The following PRORP variants were observed in gnomAD, a reference collection of about 807,000 sequenced individuals.
The protein encoded by PRORP is protein only RNase P catalytic subunit, also known as mitochondrial ribonuclease P catalytic subunit.
In PRORP, 51 loss-of-function variants were observed where a neutral mutation model predicts 59.4. That is an observed-to-expected ratio of 0.86 (90% confidence interval 0.69 to 1.08). The LOEUF (loss-of-function observed/expected upper bound fraction) is 1.08. Among genes scored for constraint, PRORP ranks in the 50% least tolerant of loss-of-function variants. PRORP has a pLI of 0.00. For synonymous variants in PRORP, 231 were observed against 245.6 expected (o/e 0.94, Z 0.55); for missense variants, 646 against 690.3 (o/e 0.94, Z 0.72).
intron 5 of PRORP, among the ~76,000 whole-genome samples, chr14:35,228,320 T>G (rs2049988499): frequency 6.6e-6 from 1 of 152,234 alleles, no homozygotes; most frequent in Non-Finnish European, 1.5e-5. Context: ...ACTTCTGTTT[T>G]AGATTCTGGG....
chr14:35,176,926 A>T (rs1327854747), intron 4 of PRORP, among the ~76,000 whole-genome samples: 5 of 152,078 alleles, frequency 3.3e-5, no homozygotes, highest in Non-Finnish European at 7.4e-5. Flanking sequence ...ATCAATACCT[A>T]ATTTATTGAG....
intron 4 of PRORP, chr14:35,158,907 T>A: frequency 3.3e-6 from 1 of 302,252 alleles, no homozygotes. Flanking sequence ...TTGTCTTTCC[T>A]GGATTTCCCA....
At chr14:35,177,319 T>C (rs563286533) in intron 4 of PRORP, among the ~76,000 whole-genome samples, 67 of 152,346 alleles carry the variant, frequency 4.4e-4, no homozygotes, top group African/African-American at 1.4e-3. Context: ...GAAGGAATGG[T>C]ACCAGCTCCT....
rs758081627 is a variant in PRORP at position 35,124,163 on chromosome 14, A to G, written c.918A>G (p.Ser306=). ...CAAATAAACTACTAGATATTCTTTC[A>G]TATCTAAGAAATAATCAGCTGTATC... ...NYSNKLLDIL[S]YLRNNQLYPG... Residue 306 remains serine (S), a synonymous_variant, in exon 2 of 8, where the codon TCA becomes TCG. Transcript: ENST00000534898. 1.9e-6 allele frequency: 3 copies of G among 1,603,920 alleles called. No homozygotes were observed. Among genetic ancestry groups the G allele is most frequent in the Non-Finnish European group, 2.6e-6 (3 of 1,175,268 alleles).
intron 4 of PRORP, among the ~76,000 whole-genome samples, chr14:35,152,559 G>GC (rs35943040): frequency 0.19 from 28,969 of 151,062 alleles, 3,316 homozygotes; most frequent in Non-Finnish European, 0.27. Context: ...GGGTGGAGGC[G>GC]CCCCCCACCT....
At position 35,227,287 on chromosome 14, in the gene PRORP, C is replaced by CA. The variant is rs545061851; in HGVS notation, c.1276-39434dup. 3.8e-3 allele frequency among the ~76,000 whole-genome samples: 576 copies of CA among 151,464 alleles called. 5 individuals are homozygous for CA. The highest frequency in any genetic ancestry group is 0.013 in the African/African-American group (557 of 41,312). On this transcript the variant is annotated intron_variant, in intron 5 of 7. Transcript: ENST00000534898. ...TGAAACCCCGTCTCTACTAAAAATACAAAAAATTTAGTCGGGCGTGGTGGC... is the reference window on the plus strand; with the variant it reads ...TGAAACCCCGTCTCTACTAAAAATACAAAAAAATTTAGTCGGGCGTGGTGGC...
upstream of PRORP, chr14:35,121,928 A>G (rs1229945978): frequency 6.2e-7 from 1 of 1,613,946 alleles, no homozygotes; most frequent in African/African-American, 1.3e-5. Flanking sequence ...GGGCGTCGCT[A>G]GGCGCCGACG....
At chr14:35,201,402 TTGTC>T (rs1436598530) in intron 5 of PRORP, among the ~76,000 whole-genome samples, 4 of 152,160 alleles carry the variant, frequency 2.6e-5, no homozygotes, top group Admixed American at 6.5e-5. Context: ...CCCCATGAAA[TTGTC>T]TGTTCTACCT....
chr14:35,162,513 T>C (rs1293609220), intron 4 of PRORP, among the ~76,000 whole-genome samples: 1 of 152,168 alleles, frequency 6.6e-6, no homozygotes, highest in Non-Finnish European at 1.5e-5. Flanking sequence ...AAACTGCTCC[T>C]GTCTTGTCTG....
chr14:35,127,545 T>C lies in PRORP; in HGVS notation c.1101T>C (p.Cys367=), dbSNP rs770328113. 3.2e-5 allele frequency: 52 copies of C among 1,613,688 alleles called. No individual in the cohort carries two copies. Among genetic ancestry groups the C allele is most frequent in the Non-Finnish European group, 6.8e-6 (8 of 1,179,790 alleles). ...AGCTGAGTCCAGAAGAATATGAATG[T>C]CTTAAGGGAAAAATCATGAGGGATG... is the stretch of plus-strand genomic sequence containing the variant. ...SIQLSPEEYE[C]LKGKIMRDVI... The change falls in exon 4 of 8, where the codon TGT becomes TGC. Residue 367 remains cysteine, a synonymous_variant. Coordinates refer to ENST00000534898, the MANE Select transcript of PRORP (RefSeq NM_014672.4).
intron 4 of PRORP, among the ~76,000 whole-genome samples, chr14:35,163,338 G>A (rs1281150435): frequency 1.3e-5 from 2 of 151,958 alleles, no homozygotes; most frequent in African/African-American, 2.4e-5. Flanking sequence ...TTTTAGTTCT[G>A]TTTATTTCTC....
At chr14:35,241,071 A>G (rs534459240) in intron 5 of PRORP, among the ~76,000 whole-genome samples, 1 of 152,260 alleles carries the variant, frequency 6.6e-6, no homozygotes, top group Admixed American at 6.5e-5. Flanking sequence ...TAATCTAGAG[A>G]TGATTTTAAA....
chr14:35,235,829 G>C (rs1230347491), intron 5 of PRORP, among the ~76,000 whole-genome samples: 1 of 151,980 alleles, frequency 6.6e-6, no homozygotes, highest in African/African-American at 2.4e-5. Flanking sequence ...ATTTTGGGAG[G>C]CCGAGGTGGT....
rs560946793 is a variant in PRORP, at chr14:35,216,926, A to G, written c.1275+36149A>G. Among the ~76,000 whole-genome samples, 3 of 152,300 alleles carry G rather than the reference A, an allele frequency of 2.0e-5. No individual in the cohort carries two copies. The South Asian group carries it at 6.2e-4, about 32-fold the overall frequency. ...ATGTTGAGCATCTTTTAATATGCTT[A>G]TTAGCCATTTGTGTATAGTCTATGG... is the stretch of plus-strand genomic sequence containing the variant. On this transcript the variant is annotated intron_variant, in intron 5 of 7. Transcript: ENST00000534898.
At chr14:35,148,315 T>C (rs2047660134) in intron 4 of PRORP, among the ~76,000 whole-genome samples, 1 of 152,250 alleles carries the variant, frequency 6.6e-6, no homozygotes, top group African/African-American at 2.4e-5. Context: ...GAATGGATGT[T>C]GTGTTGGTAG....
In PRORP at chr14:35,243,450, G is replaced by A. The variant is rs150023707; in HGVS notation, c.1276-23277G>A. On this transcript the variant is annotated intron_variant, in intron 5 of 7. Transcript: ENST00000534898. ...ACTTGGGAGGCTGAGGCAGGAGGAT[G>A]ACTTGAGCCCAGGAGGTTGAGGCTG... 4.7e-4 allele frequency among the ~76,000 whole-genome samples: 71 copies of A among 151,318 alleles called. 1 individual carries two copies. The East Asian group carries it at 0.013, about 28-fold the overall frequency.
At chr14:35,130,727 A>C (rs1184579436) in intron 4 of PRORP, among the ~76,000 whole-genome samples, 1 of 151,264 alleles carries the variant, frequency 6.6e-6, no homozygotes, top group African/African-American at 2.4e-5. Context: ...TACTTTATCC[A>C]GCTGCGTCGG....
At chr14:35,210,837 C>G (rs1355626671) in intron 5 of PRORP, among the ~76,000 whole-genome samples, 2 of 135,028 alleles carry the variant, frequency 1.5e-5, no homozygotes, top group South Asian at 2.5e-4. Flanking sequence ...TGAAATGGCT[C>G]ACTGCTGCCT....
At chr14:35,192,252 C>A (rs2048901965) in intron 5 of PRORP, among the ~76,000 whole-genome samples, 1 of 152,154 alleles carries the variant, frequency 6.6e-6, no homozygotes. Context: ...CTTGCTATTT[C>A]TTTAATATTC....
Sources: allele counts gnomAD v4.1 joint callset (sites outside exome capture counted in the v4.1 genomes callset), GRCh38; gene constraint gnomAD v4.1.1; transcripts MANE v1.5; gene names NCBI Gene and HGNC (gene_info 2026-07-23, HGNC 2026-07-21).